The following ACAD9 variants were observed in gnomAD, a reference collection of about 807,000 sequenced individuals.
ACAD9 encodes the protein acyl-CoA dehydrogenase family member 9.
ACAD9 carries 53 observed loss-of-function variants against 70.2 expected under a neutral mutation model. That is an observed-to-expected ratio of 0.75 (90% confidence interval 0.61 to 0.95). The LOEUF (loss-of-function observed/expected upper bound fraction) is 0.95. Among genes scored for constraint, ACAD9 ranks in the 40% least tolerant of loss-of-function variants. The pLI is 0.00. For synonymous variants in ACAD9, 313 were observed against 312.1 expected, an observed-to-expected ratio of 1.00 and a Z score of -0.03; for missense variants, 777 against 802.8, an observed-to-expected ratio of 0.97 and a Z score of 0.39.
At chr3:128,881,046 T>C (rs1463733622) in intron 1 of ACAD9, among the ~76,000 whole-genome samples, 1 of 152,246 alleles carries the variant, frequency 6.6e-6, no homozygotes, top group Non-Finnish European at 1.5e-5. Flanking sequence ...AGTTATTCCC[T>C]GGCTTCTCTT....
rs772891838 is a variant in ACAD9, at chr3:128,902,596, G to A, written c.926G>A (p.Ser309Asn). ...AACAGCGGCCGGTTCAGCATGGGCA[G>A]CGTCGTGGCTGGGCTGCTCAAGAGA... ...ILNSGRFSMG[S>N]VVAGLLKRLI... The change falls in exon 9 of 18, where the codon AGC (serine) becomes AAC (asparagine). Residue 309 changes from serine to asparagine, a missense_variant. Physicochemically the swap from Ser to Asn is conservative, Grantham distance 46 (BLOSUM62 1). Transcript: ENST00000308982. The surrounding 1 kb of genome is among the most constrained non-coding windows in gnomAD (Gnocchi z 4.0). The A allele has an allele frequency of 1.2e-6, 2 of 1,614,190 alleles. No homozygotes were observed. The highest frequency in any genetic ancestry group is 1.7e-6 in the Non-Finnish European group (2 of 1,180,022).
intron 15 of ACAD9, 25 bp downstream of exon 15, chr3:128,909,446 G>T (rs890036648): frequency 1.2e-6 from 2 of 1,610,334 alleles, no homozygotes; most frequent in Non-Finnish European, 1.7e-6. Flanking sequence ...CCAGGCCTGG[G>T]TCGCAAGCGG....
chr3:128,893,101 T>A lies in ACAD9; in HGVS notation c.245-454T>A, dbSNP rs559620111. On this transcript the variant is annotated intron_variant, in intron 2 of 17. Transcript: ENST00000308982. ...TGGCTCACACCTATGATCCCAGTAC[T>A]TTGCGAGGCTGTGGTGGGAAGATTG... Among the ~76,000 whole-genome samples the A allele has an allele frequency of 3.0e-3, 459 of 152,098 alleles. 2 individuals are homozygous for A. Among genetic ancestry groups the A allele is most frequent in the African/African-American group, 0.011 (438 of 41,470 alleles).
chr3:128,899,655 A>C (rs1399923899), intron 7 of ACAD9, among the ~76,000 whole-genome samples, 194 bp downstream of exon 7: 8 of 152,168 alleles, frequency 5.3e-5, no homozygotes, highest in Non-Finnish European at 1.2e-4. Flanking sequence ...TAAAAAGATC[A>C]AATTAAGAAT....
intron 9 of ACAD9, 118 bp from the exon 10 acceptor site, chr3:128,903,944 A>G: frequency 9.2e-7 from 1 of 1,092,462 alleles, no homozygotes; most frequent in Non-Finnish European, 1.4e-6. Context: ...ATTTGACCTC[A>G]GCAGACACGC....
intron 3 of ACAD9, among the ~76,000 whole-genome samples, chr3:128,894,910 T>A (rs1027554603): frequency 6.9e-6 from 1 of 144,840 alleles, no homozygotes; most frequent in Non-Finnish European, 1.5e-5. Context: ...AGAGTCTCTC[T>A]CTGTTGCCCA....
At chr3:128,908,653 T>G in intron 13 of ACAD9, 1 of 527,652 alleles carries the variant, frequency 1.9e-6, no homozygotes, top group East Asian at 3.4e-5. Context: ...ACCCCCACCC[T>G]AGGGGCACAG....
In ACAD9 at chr3:128,884,403, A is replaced by C. The variant is rs150724622; in HGVS notation, c.151-250A>C. Reference sequence around the variant, plus strand: ...ACTATTATCATCCCTTGTACTGAGAAGGAAAACTGATGAAAATCGGGAAGA... The same window carrying C: ...ACTATTATCATCCCTTGTACTGAGACGGAAAACTGATGAAAATCGGGAAGA... On this transcript the variant is annotated intron_variant, in intron 1 of 17. Transcript: ENST00000308982. Among the ~76,000 whole-genome samples the C allele has an allele frequency of 1.7e-3, 256 of 152,298 alleles. 1 individual carries two copies. The East Asian group carries it at 0.019, about 11-fold the overall frequency.
At chr3:128,903,851 ACT>A in intron 9 of ACAD9, among the ~76,000 whole-genome samples, 1 of 151,994 alleles carries the variant, frequency 6.6e-6, no homozygotes, top group East Asian at 1.9e-4. Context: ...CTGATGCCAA[ACT>A]CTGTGTGTGG....
At position 128,879,775 on chromosome 3, in the gene ACAD9, G is replaced by T; in HGVS notation, c.84G>T (p.Arg28=). Residue 28 remains arginine, a synonymous_variant, in exon 1 of 18, where the codon CGG becomes CGT. Coordinates refer to ENST00000308982, the MANE Select transcript of ACAD9 (RefSeq NM_014049.5). ...TGGTGGTCTCTACCGCGAACCGGCG[G>T]CTACTGCGCACCAGCCCGCCTGTAC... ...RGLVVSTANR[R]LLRTSPPVRA... is the part of the protein sequence containing the mutation. 2.5e-6 allele frequency: 4 copies of T among 1,613,754 alleles called. No homozygotes were observed. The highest frequency in any genetic ancestry group is 3.4e-6 in the Non-Finnish European group (4 of 1,180,024).
At chr3:128,905,211 A>G (rs796593310) in intron 11 of ACAD9, among the ~76,000 whole-genome samples, 51 of 152,340 alleles carry the variant, frequency 3.3e-4, no homozygotes, top group African/African-American at 1.2e-3. Context: ...CCCCATCTCT[A>G]CAAAAAATAC....
At chr3:128,897,605 C>T (rs1322519605) in intron 5 of ACAD9, 27 bp from the exon 6 acceptor site, 3 of 1,606,474 alleles carry the variant, frequency 1.9e-6, no homozygotes, top group Non-Finnish European at 2.6e-6. Context: ...AGTATTCTCC[C>T]TTGACCACAT....
At chr3:128,911,584 C>T (rs1050749860) in intron 17 of ACAD9, among the ~76,000 whole-genome samples, 19 of 152,186 alleles carry the variant, frequency 1.2e-4, no homozygotes, top group African/African-American at 4.6e-4. Flanking sequence ...ATTATAGGCA[C>T]GCACCACCAT....
Position 128,895,353 on chromosome 3 carries a change from G to T in ACAD9, c.390G>T (p.Glu130Asp). 6.2e-7 allele frequency: 1 copy of T among 1,613,100 alleles called. No homozygotes were observed. The highest frequency in any genetic ancestry group is 8.5e-7 in the Non-Finnish European group (1 of 1,179,598). ...ACACCATGTACTCAAGACTAGGGGA[G>T]ATCATCAGCATGGATGGGTCCATCA... ...FSNTMYSRLGEIISMDGSITV... is the reference protein window; with the variant it reads ...FSNTMYSRLGDIISMDGSITV... Residue 130 changes from glutamate to aspartate, a missense_variant, in exon 4 of 18, where the codon GAG (glutamate) becomes GAT (aspartate). Physicochemically the swap from Glu to Asp is conservative, Grantham distance 45 (BLOSUM62 2). Transcript: ENST00000308982.
rs553165762 is a variant in ACAD9 at position 128,906,293 on chromosome 3, C to G, written c.1278+44C>G. ...AGCTAAGCTGTGCTCCACCCCCACC[C>G]TGCCTGGTCCTAAAGATGCTGCTCA... On this transcript the variant is annotated intron_variant, in intron 12 of 17. Transcript: ENST00000308982. 10 of 1,610,632 alleles carry G rather than the reference C, an allele frequency of 6.2e-6. No individual in the cohort carries two copies. In the East Asian group the frequency reaches 2.0e-4, roughly 32 times the overall value.
At position 128,893,672 on chromosome 3, in the gene ACAD9, A is replaced by G; in HGVS notation, c.346+16A>G. On this transcript the variant is annotated intron_variant, in intron 3 of 17. Transcript: ENST00000308982. Reference sequence around the variant, plus strand: ...GAAGAATATGGTAAGTCAAGCAAACAAGCACCCAGCCAGTTTAGCTCTTAA... The same window carrying G: ...GAAGAATATGGTAAGTCAAGCAAACGAGCACCCAGCCAGTTTAGCTCTTAA... 6.2e-7 allele frequency: 1 copy of G among 1,602,810 alleles called. No individual in the cohort carries two copies. Among genetic ancestry groups the G allele is most frequent in the Non-Finnish European group, 8.5e-7 (1 of 1,169,870 alleles).
Position 128,908,177 on chromosome 3 carries a change from G to T in ACAD9, c.1279-8G>T. On this transcript the variant is annotated splice_polypyrimidine_tract_variant and splice_region_variant and intron_variant, in intron 12 of 17. Transcript: ENST00000308982. ...GGCAGCCTTTGACCTCTACACTACT[G>T]ACCACAGGGAACCAATGAGATTCTC... The T allele has an allele frequency of 6.2e-7, 1 of 1,613,984 alleles. No individual in the cohort carries two copies. The highest frequency in any genetic ancestry group is 8.5e-7 in the Non-Finnish European group (1 of 1,179,986).
rs770800640 is a variant in ACAD9, at chr3:128,902,437, A to G, written c.883-116A>G. ...AACCACCTTGTTCTGAGGCATTAGG[A>G]TGGTGCTTTCTCCCAGCTTGAGGGA... On this transcript the variant is annotated intron_variant, in intron 8 of 17. Transcript: ENST00000308982. This position sits in a 1 kb window ranked among gnomAD's most constrained non-coding sequence, Gnocchi z 4.0. The G allele has an allele frequency of 3.2e-6, 3 of 948,740 alleles. No individual in the cohort carries two copies. The highest frequency in any genetic ancestry group is 5.2e-6 in the Non-Finnish European group (3 of 579,916). 58.8% of individuals were successfully genotyped at this position (948,740 alleles called of 1,614,324 possible).
intron 13 of ACAD9, 125 bp downstream of exon 13, chr3:128,908,389 T>G (rs549130723): frequency 8.5e-7 from 1 of 1,181,310 alleles, no homozygotes; most frequent in Non-Finnish European, 1.2e-6. Context: ...GGCGCAGCCT[T>G]GTGGAGGGGA....
Sources: gnomAD v4.1 joint callset for allele counts (sites outside exome capture counted in the v4.1 genomes callset) on GRCh38, gnomAD v4.1.1 for gene constraint, Gnocchi (gnomAD v3.1) non-coding constraint, MANE v1.5 for transcripts, NCBI Gene and HGNC (gene_info 2026-07-23, HGNC 2026-07-21) for gene names.